KCTD16: variants seen among roughly 807,000 people sequenced by gnomAD.
KCTD16 encodes BTB/POZ domain-containing protein KCTD16.
A neutral mutation model predicts 33.2 loss-of-function variants in KCTD16; 13 were observed. The ratio of observed to expected loss-of-function variants is 0.39; its 90% confidence interval spans 0.25 to 0.62. The LOEUF (loss-of-function observed/expected upper bound fraction) is 0.62, where lower values mean the gene tolerates loss of function less well. KCTD16 is among the 20% of genes least tolerant of loss of function. The probability of loss-of-function intolerance (pLI) is 0.50; values close to 1 mark genes in which losing one functional copy is unlikely to be tolerated. For missense variants in KCTD16, 441 were observed against 525.1 expected, an observed-to-expected ratio of 0.84 and a Z score of 1.57; for synonymous variants, 197 against 195.3, an observed-to-expected ratio of 1.01 and a Z score of -0.07.
intron 3 of KCTD16, among the ~76,000 whole-genome samples, chr5:144,236,422 T>C (rs1358679807): frequency 6.6e-6 from 1 of 152,120 alleles, no homozygotes; most frequent in African/African-American, 2.4e-5. Flanking sequence ...GATGATTCCA[T>C]AGAAATTTAT....
intron 3 of KCTD16, among the ~76,000 whole-genome samples, chr5:144,305,788 T>G (rs1318813305): frequency 1.3e-5 from 2 of 152,062 alleles, no homozygotes; most frequent in African/African-American, 4.8e-5. Flanking sequence ...CACCCCAGCC[T>G]GGAGACAGAG....
At chr5:144,239,528 T>C (rs1754344308) in intron 3 of KCTD16, among the ~76,000 whole-genome samples, 1 of 152,184 alleles carries the variant, frequency 6.6e-6, no homozygotes, top group Non-Finnish European at 1.5e-5. Flanking sequence ...TATGTTTACC[T>C]CTTTAAAACC....
At chr5:144,229,155 A>G (rs1754025082) in intron 3 of KCTD16, among the ~76,000 whole-genome samples, 2 of 152,166 alleles carry the variant, frequency 1.3e-5, no homozygotes, top group South Asian at 4.1e-4. Context: ...TTTTATCCTC[A>G]CCAGCAGGCA....
intron 3 of KCTD16, among the ~76,000 whole-genome samples, chr5:144,299,148 AT>A (rs369343270): frequency 0.034 from 481 of 14,028 alleles, 24 homozygotes; most frequent in Middle Eastern, 0.17. Flanking sequence ...ATATATATAT[AT>A]TTTTTTTTTT....
chr5:144,212,124 A>T (rs866597983), intron 3 of KCTD16, among the ~76,000 whole-genome samples: 2 of 152,186 alleles, frequency 1.3e-5, no homozygotes, highest in Non-Finnish European at 2.9e-5. Context: ...CAGTTTAAGT[A>T]TAAGGCTTCA....
At chr5:144,380,066 C>T (rs943357663) in intron 3 of KCTD16, among the ~76,000 whole-genome samples, 1 of 152,056 alleles carries the variant, frequency 6.6e-6, no homozygotes, top group Admixed American at 6.5e-5. Context: ...ATATTCTACA[C>T]TTATGGTTCT....
intron 3 of KCTD16, among the ~76,000 whole-genome samples, chr5:144,391,445 G>A (rs1752447076): frequency 6.6e-6 from 1 of 152,210 alleles, no homozygotes; most frequent in Non-Finnish European, 1.5e-5. Context: ...ATCTGGCCCA[G>A]GTGTTGTATT....
rs761832955 is a variant in KCTD16, at chr5:144,396,187, TCTC to T, written c.833-77470_833-77468del. Among the ~76,000 whole-genome samples the T allele has an allele frequency of 7.9e-5, 12 of 152,100 alleles. No individual in the cohort carries two copies. The East Asian group carries it at 2.3e-3, about 29-fold the overall frequency. On this transcript the variant is annotated intron_variant, in intron 3 of 3. Coordinates refer to ENST00000512467, the MANE Select transcript of KCTD16 (RefSeq NM_020768.4). ...GGGATTTATTAGGCTCTCTAGGTGTTCTCCTTGAAGAGCACTTCTGTCCCTCCC... is the reference window on the plus strand; with the variant it reads ...GGGATTTATTAGGCTCTCTAGGTGTTCTTGAAGAGCACTTCTGTCCCTCCC...
At chr5:144,417,296 T>C (rs574291392) in intron 3 of KCTD16, among the ~76,000 whole-genome samples, 78 of 152,186 alleles carry the variant, frequency 5.1e-4, no homozygotes, top group Non-Finnish European at 7.6e-4. Context: ...TTTAAAAATA[T>C]ATTATTATAC....
intron 3 of KCTD16, among the ~76,000 whole-genome samples, chr5:144,303,016 G>A (rs1751486239): frequency 1.3e-5 from 2 of 152,134 alleles, no homozygotes; most frequent in South Asian, 2.1e-4. Flanking sequence ...TACCTCTATC[G>A]ATCATTCATC....
In KCTD16 at chr5:144,483,523, A is replaced by T. The variant is rs980609030; in HGVS notation, c.*9409A>T. 2.6e-5 allele frequency: 4 copies of T among 151,996 alleles called. No homozygotes were observed. Among genetic ancestry groups the T allele is most frequent in the African/African-American group, 9.7e-5 (4 of 41,428 alleles). 9.4% of individuals were successfully genotyped at this position (151,996 alleles called of 1,614,324 possible). On this transcript the variant is annotated 3_prime_UTR_variant, in exon 4 of 4. Transcript: ENST00000512467. The stretch of plus-strand genomic sequence containing the variant: ...ATACAATACCCAAATAGTTGCTCAA[A>T]GAAAGAACAATGTAAGTCAAATACA...
At chr5:144,413,745 T>C (rs1445764401) in intron 3 of KCTD16, among the ~76,000 whole-genome samples, 1 of 152,218 alleles carries the variant, frequency 6.6e-6, no homozygotes, top group East Asian at 1.9e-4. Flanking sequence ...GTGAGTTCAA[T>C]GTACAATGCA....
intron 3 of KCTD16, among the ~76,000 whole-genome samples, chr5:144,332,322 G>A (rs1175626248): frequency 2.0e-5 from 3 of 152,120 alleles, no homozygotes; most frequent in Non-Finnish European, 4.4e-5. Flanking sequence ...AAGGCGCAGG[G>A]GGCCTGGAGA....
intron 3 of KCTD16, among the ~76,000 whole-genome samples, chr5:144,209,929 C>A (rs1417459332): frequency 2.0e-5 from 3 of 147,044 alleles, no homozygotes; most frequent in Non-Finnish European, 3.0e-5. Context: ...TATATACAAG[C>A]TCCTTAGATC....
chr5:144,284,401 C>T (rs1240134120), intron 3 of KCTD16, among the ~76,000 whole-genome samples: 2 of 152,170 alleles, frequency 1.3e-5, no homozygotes, highest in African/African-American at 4.8e-5. Context: ...GAAAAGAAAT[C>T]CTTCCTACTT....
chr5:144,212,653 T>C (rs78660812), intron 3 of KCTD16, among the ~76,000 whole-genome samples: 1 of 152,198 alleles, frequency 6.6e-6, no homozygotes, highest in East Asian at 1.9e-4. Context: ...GCCAGTCCCA[T>C]GCATAGAAAG....
chr5:144,462,646 A>T (rs904232551), intron 3 of KCTD16, among the ~76,000 whole-genome samples: 1 of 152,000 alleles, frequency 6.6e-6, no homozygotes, highest in Non-Finnish European at 1.5e-5. Flanking sequence ...ACCCAGTAAC[A>T]ATTACATCAG....
intron 3 of KCTD16, among the ~76,000 whole-genome samples, chr5:144,444,891 G>A (rs2126980140): frequency 6.7e-6 from 1 of 149,340 alleles, no homozygotes; most frequent in African/African-American, 2.4e-5. Context: ...ACTTTCAAAT[G>A]TGTGTAATAT....
intron 3 of KCTD16, among the ~76,000 whole-genome samples, chr5:144,303,348 A>G (rs1344177327): frequency 6.6e-6 from 1 of 152,232 alleles, no homozygotes; most frequent in Non-Finnish European, 1.5e-5. Flanking sequence ...AAAGATGAAT[A>G]GCTTTATAGG....
Sources: allele counts gnomAD v4.1 joint callset (sites outside exome capture counted in the v4.1 genomes callset), GRCh38; gene constraint gnomAD v4.1.1; transcripts MANE v1.5; gene names NCBI Gene and HGNC (gene_info 2026-07-23, HGNC 2026-07-21).